Variants in TRPM3 observed in about 807,000 individuals in gnomAD.
TRPM3 encodes transient receptor potential cation channel subfamily M member 3.
In TRPM3, 77 loss-of-function variants were observed where a neutral mutation model predicts 181.2. The observed-to-expected ratio is 0.42, with a 90% CI of 0.35 to 0.51. The LOEUF is 0.51. Among genes scored for constraint, TRPM3 ranks in the 20% least tolerant of loss-of-function variants. TRPM3 has a pLI of 0.01. For missense variants in TRPM3, 1,759 were observed against 2,196.7 expected (o/e 0.80, Z 3.98); for synonymous variants, 745 against 796.4 (o/e 0.94, Z 1.09).
At chr9:70,781,159 A>T (rs1389104077) in intron 7 of TRPM3, among the ~76,000 whole-genome samples, 1 of 151,920 alleles carries the variant, frequency 6.6e-6, no homozygotes, top group Non-Finnish European at 1.5e-5. Flanking sequence ...CCCTGTCTCT[A>T]CTAAAAATAC....
chr9:70,593,056 T>C (rs771863586), intron 21 of TRPM3, among the ~76,000 whole-genome samples: 6 of 152,194 alleles, frequency 3.9e-5, no homozygotes, highest in African/African-American at 9.6e-5. Flanking sequence ...AGAGTGTCTG[T>C]TATTGGAATT....
chr9:70,646,891 A>AAAC (rs1554800433), intron 9 of TRPM3, among the ~76,000 whole-genome samples: 1 of 151,024 alleles, frequency 6.6e-6, no homozygotes, highest in Non-Finnish European at 1.5e-5. Context: ...AAAAAAAAAA[A>AAAC]CCCTCAGAGT....
At chr9:71,091,322 A>G (rs2066175646) in intron 1 of TRPM3, among the ~76,000 whole-genome samples, 1 of 152,136 alleles carries the variant, frequency 6.6e-6, no homozygotes, top group Non-Finnish European at 1.5e-5. Context: ...CACTGCTGGT[A>G]AACGAAACCC....
chr9:70,690,685 T>C (rs1359896165), intron 8 of TRPM3, among the ~76,000 whole-genome samples: 1 of 152,120 alleles, frequency 6.6e-6, no homozygotes, highest in East Asian at 1.9e-4. Flanking sequence ...TAATTTGAAA[T>C]AATGCAGCAA....
chr9:71,289,144 A>G (rs921787141), intron 1 of TRPM3, among the ~76,000 whole-genome samples: 3 of 150,224 alleles, frequency 2.0e-5, no homozygotes, highest in South Asian at 2.1e-4. Context: ...ATCACAAAAT[A>G]TGTAACAAAA....
chr9:71,077,894 ATTTG>A lies in TRPM3; in HGVS notation c.177+43280_177+43283del, dbSNP rs377760213. 1.9e-3 allele frequency among the ~76,000 whole-genome samples: 281 copies of A among 144,140 alleles called. 2 individuals are homozygous for A. Among genetic ancestry groups the A allele is most frequent in the African/African-American group, 6.9e-3 (269 of 39,152 alleles). The allele number at this position is 144,140 out of a possible 152,430, so 94.6% of individuals were successfully genotyped here. A position where few individuals can be genotyped will look rare whatever the true frequency, so the allele number is the denominator to read the frequency against. On this transcript the variant is annotated intron_variant, in intron 1 of 25. Transcript: ENST00000677713. ...TAACATATTAATTCAACTCATAATC[ATTTG>A]TTTTTGTCTTTTTTTTTTTTTTTTT... is the stretch of plus-strand genomic sequence containing the variant.
intron 1 of TRPM3, among the ~76,000 whole-genome samples, chr9:71,374,767 A>G (rs1489732592): frequency 3.9e-5 from 6 of 152,196 alleles, no homozygotes; most frequent in Non-Finnish European, 7.3e-5. Flanking sequence ...TGTAAAATTA[A>G]TGTGCAGAAA....
chr9:70,750,225 C>G (rs1000337357), intron 8 of TRPM3, among the ~76,000 whole-genome samples: 9 of 152,138 alleles, frequency 5.9e-5, no homozygotes, highest in African/African-American at 2.2e-4. Context: ...GTGGAAATGG[C>G]AGCAGAAGAG....
At chr9:71,308,579 G>A (rs1248958960) in intron 1 of TRPM3, among the ~76,000 whole-genome samples, 1 of 152,028 alleles carries the variant, frequency 6.6e-6, no homozygotes, top group Admixed American at 6.6e-5. Context: ...CTTTTTGTAG[G>A]ATCAGTTGGA....
intron 1 of TRPM3, among the ~76,000 whole-genome samples, chr9:70,983,936 G>C (rs1418085957): frequency 6.6e-6 from 1 of 152,136 alleles, no homozygotes; most frequent in East Asian, 1.9e-4. Flanking sequence ...TTCCTGGGGT[G>C]GTTACTGCAG....
At chr9:71,215,869 A>T (rs1404548863) in intron 1 of TRPM3, among the ~76,000 whole-genome samples, 1 of 152,216 alleles carries the variant, frequency 6.6e-6, no homozygotes, top group African/African-American at 2.4e-5. Flanking sequence ...GGAAGTTAAT[A>T]TCACTGAGTA....
At chr9:71,368,808 C>A (rs2092421858) in intron 1 of TRPM3, among the ~76,000 whole-genome samples, 1 of 152,050 alleles carries the variant, frequency 6.6e-6, no homozygotes, top group Non-Finnish European at 1.5e-5. Context: ...TAGACAAACA[C>A]TAATAAGTAA....
chr9:71,272,794 A>G (rs2083905262), intron 1 of TRPM3, among the ~76,000 whole-genome samples: 1 of 152,128 alleles, frequency 6.6e-6, no homozygotes, highest in Non-Finnish European at 1.5e-5. Flanking sequence ...ACTCAAATGC[A>G]TAATTCTAGT....
At chr9:71,054,146 T>C (rs901644532) in intron 1 of TRPM3, among the ~76,000 whole-genome samples, 1 of 152,106 alleles carries the variant, frequency 6.6e-6, no homozygotes, top group African/African-American at 2.4e-5. Context: ...AGATGACTTT[T>C]CAGCTTCCTC....
chr9:71,263,954 TAAAATTTCTTGTAGAGA>T (rs1216456863), intron 1 of TRPM3, among the ~76,000 whole-genome samples: 2 of 152,138 alleles, frequency 1.3e-5, no homozygotes, highest in Non-Finnish European at 2.9e-5. Flanking sequence ...TAATTTTTAT[TAAAATTTCTTGTAGAGA>T]CAAGGTCTCA....
At chr9:70,571,195 C>T (rs182390404) in intron 22 of TRPM3, among the ~76,000 whole-genome samples, 101 of 152,238 alleles carry the variant, frequency 6.6e-4, no homozygotes, top group African/African-American at 2.2e-3. Context: ...ACCCAGGCTC[C>T]GGAGCCGGCC....
intron 1 of TRPM3, among the ~76,000 whole-genome samples, chr9:70,867,943 C>A (rs1445019949): frequency 6.6e-6 from 1 of 152,022 alleles, no homozygotes; most frequent in African/African-American, 2.4e-5. Flanking sequence ...GCTTCAACAT[C>A]CAACTCAGTT....
At chr9:70,663,602 T>C (rs1381421839) in intron 9 of TRPM3, among the ~76,000 whole-genome samples, 2 of 152,248 alleles carry the variant, frequency 1.3e-5, no homozygotes, top group Non-Finnish European at 2.9e-5. Context: ...TTGTAATTTA[T>C]ATTATGGTCT....
intron 9 of TRPM3, among the ~76,000 whole-genome samples, chr9:70,678,304 G>A (rs114704623): frequency 0.018 from 2,738 of 151,950 alleles, 94 homozygotes; most frequent in African/African-American, 0.06. Context: ...GTCTTGCGCT[G>A]TTGCCTAGGC....
Sources: allele counts gnomAD v4.1 joint callset (sites outside exome capture counted in the v4.1 genomes callset), GRCh38; gene constraint gnomAD v4.1.1; transcripts MANE v1.5; gene names NCBI Gene and HGNC (gene_info 2026-07-23, HGNC 2026-07-21).